PTPRG: variants seen among roughly 807,000 people sequenced by gnomAD.
PTPRG encodes the protein protein tyrosine phosphatase receptor type G, also known as receptor-type tyrosine-protein phosphatase gamma.
A neutral mutation model predicts 165.3 loss-of-function variants in PTPRG; 102 were observed. That is an observed-to-expected ratio of 0.62 (90% confidence interval 0.53 to 0.73). The LOEUF is 0.73. Ranked by LOEUF, PTPRG falls within the 30% of genes least tolerant of loss-of-function variation. The pLI is 0.00. For synonymous variants in PTPRG, 675 were observed against 669.5 expected (o/e 1.01, Z -0.13); for missense variants, 1,866 against 1,861.4 (o/e 1.00, Z -0.05).
In PTPRG at chr3:61,812,318, T is replaced by C. The variant is rs538584546; in HGVS notation, c.190+63336T>C. ...TTCATTCATTCATTCATTTTGTCAA[T>C]CCATCTGTGAGCCATTCAGCAAATA... On this transcript the variant is annotated intron_variant, in intron 2 of 29. Coordinates refer to ENST00000474889, the MANE Select transcript of PTPRG (RefSeq NM_002841.4). Among the ~76,000 whole-genome samples the C allele has an allele frequency of 3.3e-5, 5 of 152,252 alleles. No homozygotes were observed. In the South Asian group the frequency reaches 1.0e-3, roughly 32 times the overall value.
intron 4 of PTPRG, among the ~76,000 whole-genome samples, chr3:62,067,853 C>T (rs930108657): frequency 3.9e-5 from 6 of 152,156 alleles, no homozygotes; most frequent in African/African-American, 1.4e-4. Context: ...CTATCACCCC[C>T]TCAAAGAGTG....
intron 2 of PTPRG, among the ~76,000 whole-genome samples, chr3:61,963,897 C>T (rs9877055): frequency 0.23 from 34,892 of 151,518 alleles, 4,425 homozygotes; most frequent in African/African-American, 0.33. Context: ...CCTCAGAAGG[C>T]AAGGGTATAT....
At chr3:61,829,124 A>T (rs2107285128) in intron 2 of PTPRG, among the ~76,000 whole-genome samples, 1 of 152,312 alleles carries the variant, frequency 6.6e-6, no homozygotes, top group African/African-American at 2.4e-5. Flanking sequence ...GGCATGGGAT[A>T]TGAAGGAAGA....
intron 2 of PTPRG, among the ~76,000 whole-genome samples, chr3:61,904,746 A>G (rs2038597756): frequency 6.6e-6 from 1 of 152,190 alleles, no homozygotes. Flanking sequence ...GAAGCCAAGA[A>G]AGGCATTGCA....
chr3:62,032,539 T>TG (rs1699802936), intron 4 of PTPRG, among the ~76,000 whole-genome samples: 1 of 112,412 alleles, frequency 8.9e-6, no homozygotes, highest in Admixed American at 1.1e-4. Flanking sequence ...GCATTCCCAT[T>TG]TTTTTTTTTA....
chr3:62,011,879 G>A (rs923726615), intron 4 of PTPRG, among the ~76,000 whole-genome samples: 1 of 152,320 alleles, frequency 6.6e-6, no homozygotes, highest in African/African-American at 2.4e-5. Context: ...GTTTGATGGT[G>A]TGTCAGTGAC....
chr3:61,926,720 G>C (rs1575792439), intron 2 of PTPRG, among the ~76,000 whole-genome samples: 1 of 151,330 alleles, frequency 6.6e-6, no homozygotes, highest in African/African-American at 2.4e-5. Context: ...TCATATAAAT[G>C]CCATTATAAT....
intron 15 of PTPRG, among the ~76,000 whole-genome samples, chr3:62,246,739 G>A (rs757612288): frequency 6.6e-5 from 10 of 151,764 alleles, no homozygotes; most frequent in Non-Finnish European, 1.2e-4. Flanking sequence ...AAAATAATAC[G>A]AGATTTATAG....
chr3:62,047,209 A>T (rs1297865509), intron 4 of PTPRG, among the ~76,000 whole-genome samples: 1 of 151,698 alleles, frequency 6.6e-6, no homozygotes, highest in African/African-American at 2.4e-5. Context: ...GAATGCAGGG[A>T]TTTTTTGGAT....
In PTPRG at chr3:62,203,576, A is replaced by G. The variant is rs899652686; in HGVS notation, c.1781A>G (p.Glu594Gly). ...AGCGAGAGTGAGGATGGGGAGCGGG[A>G]GCACGAGGAGGATGGAGAGAAGGAC... ...EKSESEDGER[E>G]HEEDGEKDSE... The change falls in exon 12 of 30, where the codon GAG becomes GGG. Residue 594 changes from glutamate (E) to glycine (G), a missense_variant. Around this residue, in one of 3 missense-constraint regions of PTPRG, gnomAD observed 1,452 missense variants for 1,463.0 expected, o/e 0.99. Coordinates refer to ENST00000474889, the MANE Select transcript of PTPRG (RefSeq NM_002841.4). This position sits in a 1 kb window ranked among gnomAD's most constrained non-coding sequence, Gnocchi z 6.4. 4 of 1,552,484 alleles carry G rather than the reference A, an allele frequency of 2.6e-6. No homozygotes were observed. In the African/African-American group the frequency reaches 5.5e-5, roughly 21 times the overall value.
At chr3:61,968,634 A>G (rs2040322369) in intron 2 of PTPRG, among the ~76,000 whole-genome samples, 1 of 152,194 alleles carries the variant, frequency 6.6e-6, no homozygotes, top group African/African-American at 2.4e-5. Flanking sequence ...TCTATTTGAT[A>G]TAGATTTCAA....
At chr3:61,854,444 A>C (rs1036488077) in intron 2 of PTPRG, among the ~76,000 whole-genome samples, 2 of 152,112 alleles carry the variant, frequency 1.3e-5, no homozygotes, top group African/African-American at 2.4e-5. Context: ...TGTCTTCTCT[A>C]TTTACTCTGT....
intron 1 of PTPRG, among the ~76,000 whole-genome samples, chr3:61,585,050 G>A (rs946673284): frequency 6.6e-6 from 1 of 152,158 alleles, no homozygotes; most frequent in Non-Finnish European, 1.5e-5. Flanking sequence ...GGAGGCTGAG[G>A]TGGGCAGATT....
At chr3:62,187,996 G>C (rs1699706267) in intron 8 of PTPRG, among the ~76,000 whole-genome samples, 1 of 152,144 alleles carries the variant, frequency 6.6e-6, no homozygotes, top group Non-Finnish European at 1.5e-5. Context: ...GTGAGATTCT[G>C]TACCATCATT....
At position 62,218,851 on chromosome 3, in the gene PTPRG, C is replaced by T. The variant is rs139598050; in HGVS notation, c.2156C>T (p.Ala719Val). 5.7e-5 allele frequency: 92 copies of T among 1,611,224 alleles called. 1 individual carries two copies. The highest frequency in any genetic ancestry group is 3.3e-4 in the Middle Eastern group (2 of 6,040). ...TAACTGGGATGATTTCTCTTGGCAGCGGAAAAAAACACCTCTGGAATGATA... is the reference window on the plus strand; with the variant it reads ...TAACTGGGATGATTTCTCTTGGCAGTGGAAAAAAACACCTCTGGAATGATA... ...EDSRFITVNPAEKNTSGMISR... is the reference protein window; with the variant it reads ...EDSRFITVNPVEKNTSGMISR... The change falls in exon 13 of 30, where the codon GCG (alanine) becomes GTG (valine). Residue 719 changes from alanine (A) to valine (V), a missense_variant and splice_region_variant. Ala to Val is a moderately conservative substitution (Grantham distance 64). Coordinates refer to ENST00000474889, the MANE Select transcript of PTPRG (RefSeq NM_002841.4).
chr3:61,715,864 T>A (rs1345774520), intron 1 of PTPRG, among the ~76,000 whole-genome samples: 5 of 152,170 alleles, frequency 3.3e-5, no homozygotes, highest in African/African-American at 1.2e-4. Flanking sequence ...TGGCTTTTTT[T>A]TTTTTGGTCC....
At chr3:61,836,412 C>A (rs1405035005) in intron 2 of PTPRG, among the ~76,000 whole-genome samples, 1 of 152,132 alleles carries the variant, frequency 6.6e-6, no homozygotes, top group African/African-American at 2.4e-5. Context: ...TGGTGTTGAT[C>A]TACAAAGATG....
At chr3:61,999,119 C>A (rs1196328276) in intron 3 of PTPRG, among the ~76,000 whole-genome samples, 1 of 152,028 alleles carries the variant, frequency 6.6e-6, no homozygotes, top group Non-Finnish European at 1.5e-5. Context: ...TTATCTCGAT[C>A]ACCGCAGCCT....
At chr3:61,587,882 C>A (rs567760318) in intron 1 of PTPRG, among the ~76,000 whole-genome samples, 2 of 151,020 alleles carry the variant, frequency 1.3e-5, no homozygotes, top group Non-Finnish European at 1.5e-5. Context: ...TGGTCTCAGA[C>A]TCCTGGGCTT....
Sources: allele counts gnomAD v4.1 joint callset (sites outside exome capture counted in the v4.1 genomes callset), GRCh38; gene constraint gnomAD v4.1.1; regional missense constraint gnomAD v4.1.1; non-coding constraint Gnocchi (gnomAD v3.1); transcripts MANE v1.5; gene names NCBI Gene and HGNC (gene_info 2026-07-23, HGNC 2026-07-21).